Variants in LGR6 observed in about 807,000 individuals in gnomAD.
The protein encoded by LGR6 is leucine rich repeat containing G protein-coupled receptor 6.
Under a neutral mutation model 69.4 loss-of-function variants are expected in LGR6, and 45 were observed. The ratio of observed to expected loss-of-function variants is 0.65; its 90% CI spans 0.51 to 0.83. LGR6 has a LOEUF of 0.83. Ranked by LOEUF, LGR6 falls within the 40% of genes least tolerant of loss-of-function variation. LGR6 has a pLI of 0.00. For synonymous variants in LGR6, 538 were observed against 555.0 expected, an observed-to-expected ratio of 0.97 and a Z score of 0.43; for missense variants, 1,108 against 1,246.7, an observed-to-expected ratio of 0.89 and a Z score of 1.68.
intron 7 of LGR6, 23 bp downstream of exon 7, chr1:202,297,599 G>A: frequency 6.2e-7 from 1 of 1,608,472 alleles, no homozygotes; most frequent in East Asian, 2.2e-5. Flanking sequence ...TTTGGTTTCT[G>A]TGGGTGTCCT....
intron 17 of LGR6, among the ~76,000 whole-genome samples, chr1:202,315,147 A>G (rs1182155822): frequency 1.3e-5 from 2 of 152,204 alleles, no homozygotes; most frequent in African/African-American, 4.8e-5. Flanking sequence ...GGATAAAACT[A>G]CTGTTACACA....
intron 4 of LGR6, among the ~76,000 whole-genome samples, chr1:202,270,611 G>A (rs1036043838): frequency 6.6e-6 from 1 of 152,182 alleles, no homozygotes; most frequent in Admixed American, 6.5e-5. Context: ...TGGGCTTCAG[G>A]CTCCTCATAT....
chr1:202,218,606 A>G (rs576162057), intron 1 of LGR6, among the ~76,000 whole-genome samples: 117 of 152,318 alleles, frequency 7.7e-4, no homozygotes, highest in African/African-American at 2.3e-3. Context: ...CGAGTGGGAC[A>G]GTCCCGCCCA....
chr1:202,195,240 A>G (rs1658595217), intron 1 of LGR6, among the ~76,000 whole-genome samples: 1 of 152,130 alleles, frequency 6.6e-6, no homozygotes, highest in South Asian at 2.1e-4. Context: ...GAGGCTCCTT[A>G]TGGCTTTGGG....
chr1:202,209,842 C>A (rs1393311806), intron 1 of LGR6, among the ~76,000 whole-genome samples: 1 of 152,198 alleles, frequency 6.6e-6, no homozygotes, highest in Admixed American at 6.5e-5. Flanking sequence ...CTGCCTCAAG[C>A]TTATTCATGG....
At chr1:202,271,071 G>A (rs564960581) in intron 4 of LGR6, among the ~76,000 whole-genome samples, 9 of 152,314 alleles carry the variant, frequency 5.9e-5, no homozygotes, top group Non-Finnish European at 1.0e-4. Context: ...CCAGGTCCAC[G>A]TGGGAGAACG....
chr1:202,200,754 A>G (rs916250280), intron 1 of LGR6, among the ~76,000 whole-genome samples: 1 of 152,158 alleles, frequency 6.6e-6, no homozygotes, highest in Admixed American at 6.5e-5. Flanking sequence ...GACATGGGAG[A>G]ACAGGTCCCA....
Position 202,276,415 on chromosome 1 carries a change from A to G in LGR6, c.538A>G (p.Arg180Gly). The G allele has an allele frequency of 6.2e-7, 1 of 1,614,136 alleles. No homozygotes were observed. The highest frequency in any genetic ancestry group is 1.1e-5 in the South Asian group (1 of 91,086). The change falls in exon 5 of 18, where the codon AGG becomes GGG. Residue 180 changes from arginine to glycine, a missense_variant. Arg to Gly is a moderately radical substitution (Grantham distance 125). Transcript: ENST00000367278. ...DDNALTEIPVRALNNLPALQA... is the reference protein window; with the variant it reads ...DDNALTEIPVGALNNLPALQA... The stretch of plus-strand genomic sequence containing the variant: ...CAATGCACTCACGGAGATCCCTGTC[A>G]GGGCCCTCAACAACCTCCCTGCCCT...
At chr1:202,241,725 G>T (rs1476265645) in intron 4 of LGR6, among the ~76,000 whole-genome samples, 1 of 152,134 alleles carries the variant, frequency 6.6e-6, no homozygotes, top group African/African-American at 2.4e-5. Flanking sequence ...GGCTGCGCTG[G>T]TCTGGGTCCT....
intron 6 of LGR6, among the ~76,000 whole-genome samples, chr1:202,294,099 T>A (rs1666982033): frequency 6.6e-6 from 1 of 152,238 alleles, no homozygotes; most frequent in Admixed American, 6.5e-5. Flanking sequence ...TTCCCCCAAA[T>A]ACTGTAGATT....
At chr1:202,195,336 T>C (rs1255318957) in intron 1 of LGR6, among the ~76,000 whole-genome samples, 1 of 152,160 alleles carries the variant, frequency 6.6e-6, no homozygotes, top group Non-Finnish European at 1.5e-5. Flanking sequence ...CTAAAGATGC[T>C]CAGTGTTGGG....
chr1:202,296,831 T>C (rs1164251035), intron 6 of LGR6, among the ~76,000 whole-genome samples: 1 of 152,240 alleles, frequency 6.6e-6, no homozygotes, highest in Non-Finnish European at 1.5e-5. Flanking sequence ...TCAAATAGTT[T>C]CTAAAGGGTT....
At chr1:202,277,768 T>C (rs1665695325) in intron 5 of LGR6, among the ~76,000 whole-genome samples, 1 of 133,242 alleles carries the variant, frequency 7.5e-6, no homozygotes, top group East Asian at 2.3e-4. Flanking sequence ...AAACTTATGC[T>C]AACACAGCCA....
chr1:202,282,698 G>A (rs555702524), intron 6 of LGR6, among the ~76,000 whole-genome samples: 4 of 152,288 alleles, frequency 2.6e-5, no homozygotes, highest in African/African-American at 4.8e-5. Flanking sequence ...ATGTGTTGGC[G>A]CCTCTAAAAA....
intron 6 of LGR6, among the ~76,000 whole-genome samples, chr1:202,293,435 G>A (rs993664714): frequency 6.6e-6 from 1 of 151,966 alleles, no homozygotes; most frequent in Admixed American, 6.6e-5. Context: ...CTGATGCTTC[G>A]TGTGCTCTCC....
chr1:202,241,356 G>C (rs541211691), intron 4 of LGR6, among the ~76,000 whole-genome samples: 32 of 152,348 alleles, frequency 2.1e-4, no homozygotes, highest in Admixed American at 5.2e-4. Flanking sequence ...GCTAGAACCA[G>C]ATGGGGGCAC....
intron 17 of LGR6, among the ~76,000 whole-genome samples, chr1:202,315,707 AC>A (rs1325585207): frequency 6.6e-6 from 1 of 151,886 alleles, no homozygotes; most frequent in Non-Finnish European, 1.5e-5. Flanking sequence ...TTCTCCCTTT[AC>A]CCTCTCTAAA....
chr1:202,205,782 C>A (rs947399898), intron 1 of LGR6, among the ~76,000 whole-genome samples: 1 of 147,326 alleles, frequency 6.8e-6, no homozygotes, highest in Non-Finnish European at 1.5e-5. Context: ...CAAACACATA[C>A]GCACACCTCC....
At chr1:202,222,363 T>C (rs1316374039) in intron 1 of LGR6, among the ~76,000 whole-genome samples, 2 of 151,912 alleles carry the variant, frequency 1.3e-5, no homozygotes, top group South Asian at 2.1e-4. Context: ...GGCCCCCTCC[T>C]CCGCAGGGGA....
Sources: gnomAD v4.1 joint callset for allele counts (sites outside exome capture counted in the v4.1 genomes callset) on GRCh38, gnomAD v4.1.1 for gene constraint, MANE v1.5 for transcripts, NCBI Gene and HGNC (gene_info 2026-07-23, HGNC 2026-07-21) for gene names.